The following TBC1D30 variants were observed in gnomAD, a reference collection of about 807,000 sequenced individuals.
TBC1D30 encodes the protein TBC1 domain family, member 30.
A neutral mutation model predicts 63.2 loss-of-function variants in TBC1D30; 31 were observed. That is an observed-to-expected ratio of 0.49 (90% CI 0.37 to 0.66). TBC1D30 has a LOEUF of 0.66. Among genes scored for constraint, TBC1D30 ranks in the 30% least tolerant of loss-of-function variants. The probability of loss-of-function intolerance (pLI) is 0.00; values close to 1 mark genes in which losing one functional copy is unlikely to be tolerated. For missense variants in TBC1D30, 810 were observed against 953.6 expected (o/e 0.85, Z 1.98); for synonymous variants, 307 against 361.5 (o/e 0.85, Z 1.71).
intron 8 of TBC1D30, among the ~76,000 whole-genome samples, chr12:64,849,698 G>A (rs73325485): frequency 0.037 from 5,549 of 151,974 alleles, 344 homozygotes; most frequent in African/African-American, 0.13. Flanking sequence ...GTTTGAAGTC[G>A]GGGTAGTGTG....
intron 9 of TBC1D30, among the ~76,000 whole-genome samples, chr12:64,865,142 A>G (rs1416248232): frequency 6.6e-6 from 1 of 151,446 alleles, no homozygotes; most frequent in Non-Finnish European, 1.5e-5. Context: ...AGTTTATCAT[A>G]TGAAAAATAG....
rs1161871160 is a variant in TBC1D30, at chr12:64,878,667, C to T, written c.*2879C>T. The T allele has an allele frequency of 2.4e-6, 1 of 413,166 alleles. No individual in the cohort carries two copies. Among genetic ancestry groups the T allele is most frequent in the African/African-American group, 2.0e-5 (1 of 49,190 alleles). 25.6% of individuals were successfully genotyped at this position (413,166 alleles called of 1,614,324 possible). A position where few individuals can be genotyped will look rare whatever the true frequency, so the allele number is the denominator to read the frequency against. ...CCATTTTCTGAGTGCAAGCATGGAA[C>T]ACTGTTGTGACAGTCCCTTCTCCCT... On this transcript the variant is annotated 3_prime_UTR_variant, in exon 12 of 12. Transcript: ENST00000539867.
At chr12:64,772,912 T>C (rs768679785) in intron 1 of TBC1D30, among the ~76,000 whole-genome samples, 112 of 152,346 alleles carry the variant, frequency 7.4e-4, no homozygotes, top group South Asian at 1.4e-3. Context: ...AAAGGAAAGG[T>C]TATACTCTGT....
chr12:64,837,931 T>C (rs927306088), intron 6 of TBC1D30, among the ~76,000 whole-genome samples: 2 of 151,950 alleles, frequency 1.3e-5, no homozygotes, highest in African/African-American at 4.8e-5. Flanking sequence ...AAGAAGAAAA[T>C]GAATATAGGA....
chr12:64,862,476 T>C (rs952303013), intron 8 of TBC1D30, among the ~76,000 whole-genome samples: 1 of 152,140 alleles, frequency 6.6e-6, no homozygotes, highest in Non-Finnish European at 1.5e-5. Flanking sequence ...TTTAGCTGAG[T>C]GGCCCCTGAG....
chr12:64,835,988 C>T (rs770600678), intron 5 of TBC1D30, among the ~76,000 whole-genome samples: 8 of 152,166 alleles, frequency 5.3e-5, no homozygotes, highest in Non-Finnish European at 7.3e-5. Flanking sequence ...TCCCAGGAAG[C>T]GGACAAAGAG....
chr12:64,857,027 G>A (rs1877365095), intron 8 of TBC1D30, among the ~76,000 whole-genome samples: 1 of 152,090 alleles, frequency 6.6e-6, no homozygotes, highest in South Asian at 2.1e-4. Flanking sequence ...GTCCAGAAAT[G>A]CTGTCCAAGA....
rs751666776 is a variant in TBC1D30, at chr12:64,875,183, C to G, written c.1681C>G (p.Leu561Val). Residue 561 changes from leucine to valine, a missense_variant, in exon 12 of 12, where the codon CTC (leucine) becomes GTC (valine). Leu to Val is a conservative substitution (Grantham distance 32). Around this residue, in one of 4 missense-constraint regions of TBC1D30, gnomAD observed 450 missense variants for 473.0 expected, o/e 0.95. Transcript: ENST00000539867. ...CCCCTACGAAGACCTTAAGACGAAG[C>G]TCAACTCCCCGTGGCGAACTCACAT... is the stretch of plus-strand genomic sequence containing the variant. Reference protein sequence around the residue: ...PVPYEDLKTKLNSPWRTHIRV... With the variant: ...PVPYEDLKTKVNSPWRTHIRV... The G allele has an allele frequency of 6.5e-7, 1 of 1,536,358 alleles. No individual in the cohort carries two copies. The highest frequency in any genetic ancestry group is 1.7e-4 in the Middle Eastern group (1 of 5,990).
At chr12:64,790,338 T>C (rs990687508) in intron 2 of TBC1D30, among the ~76,000 whole-genome samples, 1 of 151,640 alleles carries the variant, frequency 6.6e-6, no homozygotes, top group African/African-American at 2.4e-5. Flanking sequence ...ATAAAAAGAG[T>C]ATTTGGTCAG....
chr12:64,875,275 G>C lies in TBC1D30; in HGVS notation c.1773G>C (p.Leu591=). 1 of 1,536,314 alleles carries C rather than the reference G, an allele frequency of 6.5e-7. No individual in the cohort carries two copies. The highest frequency in any genetic ancestry group is 8.7e-7 in the Non-Finnish European group (1 of 1,146,916). The change falls in exon 12 of 12, where the codon CTG becomes CTC. Residue 591 remains leucine, a synonymous_variant. Transcript: ENST00000539867. The part of the protein sequence containing the change: ...SHPGCGDTVG[L]IDEQNEASKT... ...CGGGCTGTGGGGACACCGTAGGGCT[G>C]ATAGATGAGCAGAACGAGGCCAGCA...
rs146836430 is a variant in TBC1D30, at chr12:64,867,910, T to A, written c.1291+1007T>A. On this transcript the variant is annotated intron_variant, in intron 10 of 11. Transcript: ENST00000539867. ...TTTTTTCTATTTGAAGGCATCACTG[T>A]TTATTAACTGACCAGATTACAGAAA... The A allele has an allele frequency of 2.0e-5, 3 of 152,432 alleles. No individual in the cohort carries two copies. The East Asian group carries it at 5.8e-4, about 29-fold the overall frequency. The allele number at this position is 152,432 out of a possible 1,614,324, so 9.4% of individuals were successfully genotyped here.
upstream of TBC1D30, among the ~76,000 whole-genome samples, chr12:64,821,818 G>A (rs550721872): frequency 7.2e-4 from 109 of 152,284 alleles, no homozygotes; most frequent in African/African-American, 2.4e-3. Context: ...TTTCTGTACC[G>A]GAGCTCGCAG....
chr12:64,836,379 C>T (rs561020178), intron 5 of TBC1D30, 111 bp from the exon 6 acceptor site: 133 of 794,044 alleles, frequency 1.7e-4, no homozygotes, highest in Non-Finnish European at 2.4e-4. Context: ...TTAAGGATAG[C>T]GTGCTTTGGC....
chr12:64,870,679 G>A lies in TBC1D30; in HGVS notation c.1369G>A (p.Glu457Lys), dbSNP rs1222919782. ...SPGAINSCRS[E>K]YHAAFNSMMM... is the part of the protein sequence containing the mutation. ...AGGAGCAATCAATTCCTGTCGAAGT[G>A]AATACCATGCAGCTTTTAACAGTAT... Residue 457 changes from glutamate to lysine, a missense_variant, in exon 11 of 12, where the codon GAA (glutamate) becomes AAA (lysine). Physicochemically the swap from Glu to Lys is moderately conservative, Grantham distance 56 (BLOSUM62 1). Around this residue, in one of 4 missense-constraint regions of TBC1D30, gnomAD observed 450 missense variants for 473.0 expected, o/e 0.95. Coordinates refer to ENST00000539867, the MANE Select transcript of TBC1D30 (RefSeq NM_015279.2). 2.0e-6 allele frequency: 3 copies of A among 1,535,940 alleles called. No individual in the cohort carries two copies. The highest frequency in any genetic ancestry group is 1.7e-4 in the Middle Eastern group (1 of 6,012).
chr12:64,785,209 T>C (rs1185708436), intron 1 of TBC1D30, among the ~76,000 whole-genome samples: 1 of 150,584 alleles, frequency 6.6e-6, no homozygotes, highest in Non-Finnish European at 1.5e-5. Context: ...TGGAGTGCAA[T>C]GGCGCGATCT....
intron 11 of TBC1D30, among the ~76,000 whole-genome samples, chr12:64,874,583 C>T (rs1369618438): frequency 1.3e-5 from 2 of 152,152 alleles, no homozygotes; most frequent in Non-Finnish European, 2.9e-5. Flanking sequence ...TCCTACCTCT[C>T]AGAGGCTGAC....
chr12:64,776,333 G>T (rs1286829296), upstream of TBC1D30, among the ~76,000 whole-genome samples: 4 of 151,428 alleles, frequency 2.6e-5, no homozygotes, highest in Non-Finnish European at 5.9e-5. Context: ...AGTTTTTTTT[G>T]AAAAAATTAA....
chr12:64,779,164 G>C (rs927286038), upstream of TBC1D30: 22 of 152,180 alleles, frequency 1.4e-4, no homozygotes, highest in Middle Eastern at 3.4e-3. Flanking sequence ...CTCTTCTTAG[G>C]GGGAAGAGAT....
chr12:64,768,568 C>G (rs541223275), intron 1 of TBC1D30: 1 of 152,286 alleles, frequency 6.6e-6, no homozygotes, highest in South Asian at 2.1e-4. Context: ...AACACCTGGC[C>G]TCAAGTGATT....
Sources: allele counts gnomAD v4.1 joint callset (sites outside exome capture counted in the v4.1 genomes callset), GRCh38; gene constraint gnomAD v4.1.1; regional missense constraint gnomAD v4.1.1; transcripts MANE v1.5; gene names NCBI Gene and HGNC (gene_info 2026-07-23, HGNC 2026-07-21).